Variants in FGF14 observed in about 807,000 individuals in gnomAD.
The protein encoded by FGF14 is fibroblast growth factor 14, also known as fibroblast growth factor homologous factor 4.
In FGF14, 5 loss-of-function variants were observed where a neutral mutation model predicts 25.5. That is an observed-to-expected ratio of 0.20 (90% CI 0.10 to 0.41). The LOEUF (loss-of-function observed/expected upper bound fraction) is 0.41, where lower values mean the gene tolerates loss of function less well. FGF14 is among the 10% of genes least tolerant of loss of function. The pLI, the probability that FGF14 is intolerant of heterozygous loss-of-function variation, is 1.00. For missense variants in FGF14, 222 were observed against 320.1 expected (o/e 0.69, Z 2.34); for synonymous variants, 138 against 118.3 (o/e 1.17, Z -1.08).
At chr13:101,754,240 G>A (rs1421020638) in intron 3 of FGF14, among the ~76,000 whole-genome samples, 1 of 152,104 alleles carries the variant, frequency 6.6e-6, no homozygotes, top group Non-Finnish European at 1.5e-5. Flanking sequence ...CAGTGCAGAT[G>A]GTATGGACAA....
Position 101,790,409 on chromosome 13 carries a change from CTT to C in FGF14, c.409-63601_409-63600del, listed in dbSNP as rs3064706. Among the ~76,000 whole-genome samples, 1,214 of 143,138 alleles carry C rather than the reference CTT, an allele frequency of 8.5e-3. 17 individuals are homozygous for C. Among genetic ancestry groups the C allele is most frequent in the Admixed American group, 0.027 (396 of 14,446 alleles). The allele number at this position is 143,138 out of a possible 152,430, so 93.9% of individuals were successfully genotyped here. The stretch of plus-strand genomic sequence containing the variant: ...TTTACTAGCTGGCTCTATTCATTTT[CTT>C]TTTTTTTTTTTTTTAACTTTTGTTT... On this transcript the variant is annotated intron_variant, in intron 3 of 4. Transcript: ENST00000376143.
upstream of FGF14, chr13:102,402,084 GA>G (rs529320991): frequency 2.8e-4 from 44 of 156,176 alleles, no homozygotes; most frequent in Admixed American, 1.5e-3. Context: ...AAAGAAAAAA[GA>G]AAAAAAAAGA....
chr13:102,095,196 T>G (rs2168687), intron 1 of FGF14, among the ~76,000 whole-genome samples: 77,253 of 151,936 alleles, frequency 0.51, 21,422 homozygotes, highest in Non-Finnish European at 0.63. Flanking sequence ...TTATTTAAAA[T>G]ATTGTGGATA....
intron 1 of FGF14, among the ~76,000 whole-genome samples, chr13:102,127,519 A>G (rs601530): frequency 0.027 from 4,137 of 152,312 alleles, 191 homozygotes; most frequent in African/African-American, 0.094. Flanking sequence ...TATCTATCAT[A>G]AGGAAGAAAA....
At chr13:101,780,171 T>C (rs1372828933) in intron 3 of FGF14, among the ~76,000 whole-genome samples, 1 of 152,174 alleles carries the variant, frequency 6.6e-6, no homozygotes, top group Non-Finnish European at 1.5e-5. Context: ...ATGGCTAAAA[T>C]AAATAATTAT....
rs142082468 is a variant in FGF14 at position 102,240,515 on chromosome 13, C to T, written c.208+160956G>A. Among the ~76,000 whole-genome samples the T allele has an allele frequency of 7.6e-4, 115 of 152,224 alleles. 3 individuals carry two copies. The East Asian group carries it at 0.019, about 25-fold the overall frequency. On this transcript the variant is annotated intron_variant, in intron 1 of 4. Coordinates refer to the FGF14 transcript ENST00000376131. ...AATAGACCAATTTTCTGCTTCCCACCATATCTGGTTTATAGTCTCCCTCTT... is the reference window on the plus strand; with the variant it reads ...AATAGACCAATTTTCTGCTTCCCACTATATCTGGTTTATAGTCTCCCTCTT...
At chr13:102,353,043 T>A (rs1166633758) in intron 1 of FGF14, among the ~76,000 whole-genome samples, 1 of 152,060 alleles carries the variant, frequency 6.6e-6, no homozygotes, top group Non-Finnish European at 1.5e-5. Flanking sequence ...TAGTTTAAAT[T>A]CCAAAATGCC....
intron 1 of FGF14, among the ~76,000 whole-genome samples, chr13:102,369,394 T>G (rs1415594285): frequency 1.3e-5 from 2 of 152,218 alleles, no homozygotes; most frequent in African/African-American, 2.4e-5. Context: ...GGGAATGAGA[T>G]GTGCTGTGGG....
chr13:101,797,202 T>A (rs1192622843), intron 3 of FGF14, among the ~76,000 whole-genome samples: 1 of 152,176 alleles, frequency 6.6e-6, no homozygotes, highest in African/African-American at 2.4e-5. Flanking sequence ...ACATATTCTA[T>A]GCTACATCAC....
At chr13:102,337,352 A>G (rs1038367368) in intron 1 of FGF14, among the ~76,000 whole-genome samples, 1 of 152,196 alleles carries the variant, frequency 6.6e-6, no homozygotes, top group Non-Finnish European at 1.5e-5. Context: ...TGAAAAAGCA[A>G]GAGAATTAGA....
Position 101,718,913 on chromosome 13 carries a change from A to G in FGF14, c.*3918T>C, listed in dbSNP as rs2034821637. 1 of 152,150 alleles carries G rather than the reference A, an allele frequency of 6.6e-6. No homozygotes were observed. Among genetic ancestry groups the G allele is most frequent in the Admixed American group, 6.6e-5 (1 of 15,260 alleles). The allele number at this position is 152,150 out of a possible 1,614,324, so 9.4% of individuals were successfully genotyped here. On this transcript the variant is annotated 3_prime_UTR_variant, in exon 5 of 5. Coordinates refer to ENST00000376143, the MANE Select transcript of FGF14 (RefSeq NM_004115.4). ...CATTGTAGGCTAAGAAACCTCAGCT[A>G]TGACTACTATTTCACTCAAAGTAAG...
intron 1 of FGF14, among the ~76,000 whole-genome samples, chr13:102,259,152 C>A (rs1226328336): frequency 6.6e-6 from 1 of 152,164 alleles, no homozygotes; most frequent in East Asian, 1.9e-4. Flanking sequence ...TTCAGTGGCT[C>A]CTGCCACTCT....
intron 1 of FGF14, among the ~76,000 whole-genome samples, chr13:102,079,698 A>G (rs1187445494): frequency 6.6e-6 from 1 of 152,192 alleles, no homozygotes; most frequent in Non-Finnish European, 1.5e-5. Flanking sequence ...CAGGGAGGAA[A>G]CCGACTCTGT....
chr13:102,278,567 T>C (rs1345710972), intron 1 of FGF14, among the ~76,000 whole-genome samples: 1 of 151,980 alleles, frequency 6.6e-6, no homozygotes, highest in Non-Finnish European at 1.5e-5. Context: ...GGCTTTTAGA[T>C]GTGTGACCCC....
intron 3 of FGF14, among the ~76,000 whole-genome samples, chr13:101,816,173 G>A (rs2041836093): frequency 6.6e-6 from 1 of 150,876 alleles, no homozygotes; most frequent in Non-Finnish European, 1.5e-5. Context: ...GGGAGGCTGA[G>A]GCAGCAGAAT....
chr13:102,341,562 A>G (rs1165349647), intron 1 of FGF14, among the ~76,000 whole-genome samples: 1 of 152,126 alleles, frequency 6.6e-6, no homozygotes, highest in African/African-American at 2.4e-5. Flanking sequence ...TACCATCCCT[A>G]TTGTGAGCTC....
chr13:101,944,005 A>C (rs542939052), intron 1 of FGF14, among the ~76,000 whole-genome samples: 15 of 132,016 alleles, frequency 1.1e-4, no homozygotes, highest in South Asian at 2.1e-4. Flanking sequence ...TCTCAAAAAA[A>C]AAAAAAAAAC....
chr13:102,091,911 C>A (rs147240559), intron 1 of FGF14, among the ~76,000 whole-genome samples: 1 of 152,166 alleles, frequency 6.6e-6, no homozygotes, highest in Non-Finnish European at 1.5e-5. Context: ...GGACTCTGAC[C>A]ACTACCTCTA....
At chr13:101,827,944 G>GAAAA (rs1411390240) in intron 3 of FGF14, among the ~76,000 whole-genome samples, 5 of 123,658 alleles carry the variant, frequency 4.0e-5, no homozygotes, top group African/African-American at 1.4e-4. Context: ...AAAAAAGAAA[G>GAAAA]AAAAAAGTGT....
Sources: allele counts gnomAD v4.1 joint callset (sites outside exome capture counted in the v4.1 genomes callset), GRCh38; gene constraint gnomAD v4.1.1; transcripts MANE v1.5; gene names NCBI Gene and HGNC (gene_info 2026-07-23, HGNC 2026-07-21).